Variants in ME3 observed in about 807,000 individuals in gnomAD.
ME3 encodes the protein malic enzyme 3.
A neutral mutation model predicts 68.9 loss-of-function variants in ME3; 48 were observed. That is an observed-to-expected ratio of 0.70 (90% CI 0.55 to 0.89). The LOEUF is 0.89. Ranked by LOEUF, ME3 falls within the 40% of genes least tolerant of loss-of-function variation. The pLI, the probability that ME3 is intolerant of heterozygous loss-of-function variation, is 0.00. For missense variants in ME3, 675 were observed against 797.4 expected (o/e 0.85, Z 1.85); for synonymous variants, 320 against 318.8 (o/e 1.00, Z -0.04).
At chr11:86,660,150 G>C (rs1490935529) in intron 2 of ME3, among the ~76,000 whole-genome samples, 1 of 152,178 alleles carries the variant, frequency 6.6e-6, no homozygotes, top group East Asian at 1.9e-4. Context: ...CATCACTAAA[G>C]TCTCCACCCA....
At chr11:86,632,353 AG>A (rs994929187) in intron 2 of ME3, among the ~76,000 whole-genome samples, 2 of 151,614 alleles carry the variant, frequency 1.3e-5, no homozygotes, top group African/African-American at 4.9e-5. Context: ...AAAATGGCCA[AG>A]GGGGGTGGGG....
intron 2 of ME3, among the ~76,000 whole-genome samples, chr11:86,664,147 T>C (rs1445879488): frequency 1.3e-5 from 2 of 152,182 alleles, no homozygotes; most frequent in South Asian, 2.1e-4. Flanking sequence ...TACTTGGCTC[T>C]AGAAACAATT....
intron 2 of ME3, among the ~76,000 whole-genome samples, chr11:86,626,939 T>TCCGAAG (rs1943701962): frequency 1.3e-5 from 2 of 152,228 alleles, no homozygotes; most frequent in African/African-American, 2.4e-5. Context: ...CTAACTGGTA[T>TCCGAAG]ATTTTCCTTG....
Position 86,574,347 on chromosome 11 carries a change from T to G in ME3, c.184-14524A>C, listed in dbSNP as rs1047856472. On this transcript the variant is annotated intron_variant, in intron 2 of 14. Coordinates refer to ENST00000543262, the Ensembl canonical transcript of ME3. ...GTTTTTCCTCATCTTCCCGGATTTA[T>G]CTACCTTTGATCTTTGAGGCTGATG... Among the ~76,000 whole-genome samples, 6 of 144,202 alleles carry G rather than the reference T, an allele frequency of 4.2e-5. No individual in the cohort carries two copies. The East Asian group carries it at 1.4e-3, about 35-fold the overall frequency. The allele number at this position is 144,202 out of a possible 152,430, so 94.6% of individuals were successfully genotyped here. A position where few individuals can be genotyped will look rare whatever the true frequency, so the allele number is the denominator to read the frequency against.
the ME3 span, chr11:86,434,945 G>A: frequency 1.3e-5 from 2 of 152,140 alleles, no homozygotes; most frequent in Non-Finnish European, 2.9e-5. Flanking sequence ...CGTAGCAGTG[G>A]GAAGTTTTAT....
At chr11:86,526,308 G>T (rs1366482344) in intron 4 of ME3, among the ~76,000 whole-genome samples, 2 of 152,222 alleles carry the variant, frequency 1.3e-5, no homozygotes, top group African/African-American at 4.8e-5. Context: ...CAAGGTGGCA[G>T]CGAGGCTGGG....
At chr11:86,446,988 T>A in intron 12 of ME3, 77 bp downstream of exon 12, 1 of 1,530,350 alleles carries the variant, frequency 6.5e-7, no homozygotes, top group Non-Finnish European at 8.8e-7. Context: ...TAGGAGTATT[T>A]TTCACCCTCA....
chr11:86,481,186 C>T (rs988730548), intron 7 of ME3, among the ~76,000 whole-genome samples: 2 of 146,050 alleles, frequency 1.4e-5, no homozygotes, highest in South Asian at 2.2e-4. Flanking sequence ...GCAATAAAAG[C>T]GAGTGCCACC....
At chr11:86,482,656 C>G (rs559234743) in intron 7 of ME3, among the ~76,000 whole-genome samples, 9 of 151,576 alleles carry the variant, frequency 5.9e-5, no homozygotes, top group African/African-American at 2.2e-4. Context: ...TTCCAGGTCT[C>G]ATCCTTAAGA....
At chr11:86,666,645 T>G (rs1260505538) in intron 2 of ME3, among the ~76,000 whole-genome samples, 1 of 152,248 alleles carries the variant, frequency 6.6e-6, no homozygotes, top group African/African-American at 2.4e-5. Flanking sequence ...TATTTGAGCT[T>G]CAATGCAACT....
rs145712722 is a variant in ME3 at position 86,645,839 on chromosome 11, G to C, written c.183+25923C>G. Reference sequence around the variant, plus strand: ...CTGGGAGGTGCCCCTCTGGGATGAAGCTTCCAGACGAAGGAACAGGCAGCA... The same window carrying C: ...CTGGGAGGTGCCCCTCTGGGATGAACCTTCCAGACGAAGGAACAGGCAGCA... On this transcript the variant is annotated intron_variant, in intron 2 of 14. Coordinates refer to ENST00000543262, the Ensembl canonical transcript of ME3. Among the ~76,000 whole-genome samples, 537 of 152,298 alleles carry C rather than the reference G, an allele frequency of 3.5e-3. 2 individuals carry two copies. Among genetic ancestry groups the C allele is most frequent in the African/African-American group, 0.012 (510 of 41,562 alleles).
intron 2 of ME3, among the ~76,000 whole-genome samples, chr11:86,669,157 C>T (rs1488227325): frequency 2.6e-5 from 4 of 152,148 alleles, no homozygotes; most frequent in Admixed American, 2.0e-4. Flanking sequence ...AGGGCACTCA[C>T]AGTAACTCCC....
At chr11:86,494,276 C>A (rs1952178763) in intron 6 of ME3, among the ~76,000 whole-genome samples, 1 of 152,152 alleles carries the variant, frequency 6.6e-6, no homozygotes, top group African/African-American at 2.4e-5. Flanking sequence ...GGGATCCTGC[C>A]TGTGTGAAAC....
chr11:86,610,917 T>C (rs1942524873), intron 2 of ME3, among the ~76,000 whole-genome samples: 1 of 152,200 alleles, frequency 6.6e-6, no homozygotes, highest in South Asian at 2.1e-4. Flanking sequence ...CAGTGGACGA[T>C]GGCAGACAAT....
intron 4 of ME3, among the ~76,000 whole-genome samples, chr11:86,543,463 T>C (rs1415174393): frequency 6.6e-6 from 1 of 152,186 alleles, no homozygotes; most frequent in Non-Finnish European, 1.5e-5. Flanking sequence ...GAGGAAGATT[T>C]ACCAAGCAAA....
At chr11:86,601,571 G>A (rs1319574048) in intron 2 of ME3, among the ~76,000 whole-genome samples, 1 of 151,916 alleles carries the variant, frequency 6.6e-6, no homozygotes, top group Non-Finnish European at 1.5e-5. Context: ...CCAATCAATA[G>A]AAAAAGAGAG....
intron 2 of ME3, among the ~76,000 whole-genome samples, chr11:86,629,217 T>C (rs937999041): frequency 1.3e-5 from 2 of 152,224 alleles, no homozygotes; most frequent in Admixed American, 6.5e-5. Context: ...CTCGAGTTCA[T>C]GTCCCTGAAC....
At position 86,519,916 on chromosome 11, in the gene ME3, C is replaced by T. The variant is rs116457926; in HGVS notation, c.468-11049G>A. On this transcript the variant is annotated intron_variant, in intron 4 of 14. Coordinates refer to ENST00000543262, the Ensembl canonical transcript of ME3. ...GCTTTCTGTGGAACGTCCTCAGGGA[C>T]GTGTGACTGAAGTGCGGGATGGGGT... Among the ~76,000 whole-genome samples, 265 of 152,324 alleles carry T rather than the reference C, an allele frequency of 1.7e-3. 1 individual carries two copies. The highest frequency in any genetic ancestry group is 6.3e-3 in the African/African-American group (262 of 41,582).
At chr11:86,564,534 C>T (rs775315966) in intron 2 of ME3, among the ~76,000 whole-genome samples, 2 of 149,560 alleles carry the variant, frequency 1.3e-5, no homozygotes, top group Admixed American at 1.3e-4. Context: ...ATAAAGAGTT[C>T]GTAAATAAAC....
Sources: allele counts gnomAD v4.1 joint callset (sites outside exome capture counted in the v4.1 genomes callset), GRCh38; gene constraint gnomAD v4.1.1; transcripts MANE v1.5; gene names NCBI Gene and HGNC (gene_info 2026-07-23, HGNC 2026-07-21).